Variants in AMER1 observed in about 807,000 individuals in gnomAD.
AMER1 encodes RP11-403E24.2.
A neutral mutation model predicts 53.0 loss-of-function variants in AMER1; 16 were observed. That is an observed-to-expected ratio of 0.30 (90% CI 0.20 to 0.46). The LOEUF (loss-of-function observed/expected upper bound fraction) is 0.46, where lower values mean the gene tolerates loss of function less well. AMER1 is among the 20% of genes least tolerant of loss of function. AMER1 has a pLI of 1.00. For missense variants in AMER1, 947 were observed against 884.9 expected (o/e 1.07, Z -0.89); for synonymous variants, 354 against 331.9 (o/e 1.07, Z -0.73).
At chrX:64,205,359 C>G (rs1424382527) in intron 1 of AMER1, among the ~76,000 whole-genome samples, 1 of 107,698 alleles carries the variant, frequency 9.3e-6, no homozygotes, top group Non-Finnish European at 1.9e-5. Flanking sequence ...CCCCCTCCCC[C>G]CAGCCGTGGT....
intron 1 of AMER1, among the ~76,000 whole-genome samples, chrX:64,197,914 C>A (rs1017259278): frequency 1.8e-5 from 2 of 112,799 alleles, no homozygotes; most frequent in African/African-American, 6.4e-5. Flanking sequence ...AAATCAAGTG[C>A]ATTACATAGC....
chrX:64,193,319 G>A lies in AMER1; in HGVS notation c.-33C>T, dbSNP rs1930301049. 1.7e-6 allele frequency: 2 copies of A among 1,211,131 alleles called. No individual in the cohort carries two copies. Among genetic ancestry groups the A allele is most frequent in the Non-Finnish European group, 1.1e-6 (1 of 895,498 alleles). ...GGGACAACTGAGGTACGTCCAGCTG[G>A]AAATGCAGCCTCAGGCTTCCAGGCA... On this transcript the variant is annotated 5_prime_UTR_variant, in exon 2 of 2. Coordinates refer to ENST00000374869, the MANE Select transcript of AMER1 (RefSeq NM_152424.4).
chrX:64,190,228 A>G lies in AMER1; in HGVS notation c.3059T>C (p.Leu1020Pro). The change falls in exon 2 of 2, where the codon CTA becomes CCA. Residue 1020 changes from leucine (L) to proline (P), a missense_variant. Physicochemically the swap from Leu to Pro is moderately conservative, Grantham distance 98 (BLOSUM62 -3). Coordinates refer to ENST00000374869, the MANE Select transcript of AMER1 (RefSeq NM_152424.4). ...SRAPGESGPQ[L>P]ARPSHLHLPM... ...CAGGTGTAGGTGTGAGGGACGAGCT[A>G]GTTGAGGCCCAGATTCCCCAGGTGC... is the stretch of plus-strand genomic sequence containing the variant. 1 of 1,211,712 alleles carries G rather than the reference A, an allele frequency of 8.3e-7. No individual in the cohort carries two copies. The highest frequency in any genetic ancestry group is 1.8e-5 in the South Asian group (1 of 56,876).
rs2147082146 is a variant in AMER1, at chrX:64,186,410, AATAG to A, written c.*3465_*3468del. The A allele has an allele frequency of 2.5e-6, 2 of 797,856 alleles. No individual in the cohort carries two copies. The highest frequency in any genetic ancestry group is 3.1e-6 in the Non-Finnish European group (2 of 648,433). The allele number at this position is 797,856 out of a possible 1,213,427, so 65.8% of individuals were successfully genotyped here. A position where few individuals can be genotyped will look rare whatever the true frequency, so the allele number is the denominator to read the frequency against. On this transcript the variant is annotated 3_prime_UTR_variant, in exon 2 of 2. Coordinates refer to ENST00000374869, the MANE Select transcript of AMER1 (RefSeq NM_152424.4). ...GAATATAAAATGCAAACAATATAAA[AATAG>A]ATAATTGACTTTTGATATATATATA...
Position 64,192,164 on chromosome X carries a change from G to T in AMER1, c.1123C>A (p.Pro375Thr), listed in dbSNP as rs1170189358. The T allele has an allele frequency of 8.3e-7, 1 of 1,208,360 alleles. No homozygotes were observed. Among genetic ancestry groups the T allele is most frequent in the African/African-American group, 1.8e-5 (1 of 56,787 alleles). ...YQGGGEEMAL[P>T]DDDDEEEEEE... ...TCTTCCTCCTCGTCATCATCATCTG[G>T]CAAGGCCATCTCCTCCCCACCTCCT... The change falls in exon 2 of 2, where the codon CCA becomes ACA. Residue 375 changes from proline to threonine, a missense_variant. Transcript: ENST00000374869.
intron 1 of AMER1, among the ~76,000 whole-genome samples, chrX:64,202,590 G>A (rs1222962386): frequency 1.8e-5 from 2 of 111,318 alleles, no homozygotes; most frequent in Non-Finnish European, 3.8e-5. Context: ...GAGGCCTGGG[G>A]AACACTTCTC....
In AMER1 at chrX:64,190,176, C is replaced by T. The variant is rs2147084519; in HGVS notation, c.3111G>A (p.Gln1037=). The T allele has an allele frequency of 8.3e-7, 1 of 1,207,554 alleles. No individual in the cohort carries two copies. The highest frequency in any genetic ancestry group is 1.8e-5 in the South Asian group (1 of 56,063). The change falls in exon 2 of 2, where the codon CAG becomes CAA. Residue 1037 remains glutamine (Q), a synonymous_variant. Transcript: ENST00000374869. ...CCCTCATGCTCTGGGAGGCCTGTGGCTGGAGGTTATAGCAAGGGCCCATGG... is the reference window on the plus strand; with the variant it reads ...CCCTCATGCTCTGGGAGGCCTGTGGTTGGAGGTTATAGCAAGGGCCCATGG... ...HLPMGPCYNL[Q]PQASQSMRAR...
At position 64,191,827 on chromosome X, in the gene AMER1, A is replaced by T; in HGVS notation, c.1460T>A (p.Leu487Gln). Reference protein sequence around the residue: ...PGFEDDSGEALGLVRRDCLPR... With the variant: ...PGFEDDSGEAQGLVRRDCLPR... ...TAGACAATCCCTGCGGACAAGCCCC[A>T]GGGCCTCACCTGAATCATCCTCAAA... Residue 487 changes from leucine to glutamine, a missense_variant, in exon 2 of 2, where the codon CTG (leucine) becomes CAG (glutamine). Leu to Gln is a moderately radical substitution (Grantham distance 113). Coordinates refer to ENST00000374869, the MANE Select transcript of AMER1 (RefSeq NM_152424.4). 1.7e-6 allele frequency: 2 copies of T among 1,211,721 alleles called. No individual in the cohort carries two copies. Among genetic ancestry groups the T allele is most frequent in the Non-Finnish European group, 2.2e-6 (2 of 895,476 alleles).
chrX:64,204,882 C>G (rs1208179684), intron 1 of AMER1, among the ~76,000 whole-genome samples: 2 of 113,304 alleles, frequency 1.8e-5, no homozygotes, highest in African/African-American at 6.4e-5. Context: ...CAGATGCGCC[C>G]GGAGGCCCAG....
rs762257768 is a variant in AMER1, at chrX:64,186,146, G to A, written c.*3733C>T. The A allele has an allele frequency of 1.2e-5, 14 of 1,208,465 alleles. No individual in the cohort carries two copies. Among genetic ancestry groups the A allele is most frequent in the Non-Finnish European group, 1.6e-5 (14 of 894,413 alleles). ...CAGGTCCCACACGCCTGAGTCACTT[G>A]GCGTTTGTCTTCAGTACCTGGGCAT... On this transcript the variant is annotated 3_prime_UTR_variant, in exon 2 of 2. Transcript: ENST00000374869.
rs1930220781 is a variant in AMER1, at chrX:64,190,487, C to G, written c.2800G>C (p.Glu934Gln). The G allele has an allele frequency of 8.3e-7, 1 of 1,211,936 alleles. No homozygotes were observed. Among genetic ancestry groups the G allele is most frequent in the Non-Finnish European group, 1.1e-6 (1 of 895,570 alleles). ...CGGCTCCATTCTCCTTCTTCCTCCT[C>G]TTCGTCCTCCTCATCTGAATCTTCC... ...QQEDSDEEDEEEEEGEWSRDS... is the reference protein window; with the variant it reads ...QQEDSDEEDEQEEEGEWSRDS... Residue 934 changes from glutamate to glutamine, a missense_variant, in exon 2 of 2, where the codon GAG becomes CAG. Transcript: ENST00000374869.
intron 1 of AMER1, among the ~76,000 whole-genome samples, chrX:64,198,439 C>T (rs1239889373): frequency 1.8e-5 from 2 of 111,640 alleles, no homozygotes; most frequent in African/African-American, 6.5e-5. Context: ...TGTGCCTAGA[C>T]TTGGGAAAAG....
Position 64,187,654 on chromosome X carries a change from G to A in AMER1, c.*2225C>T. 3 of 775,710 alleles carry A rather than the reference G, an allele frequency of 3.9e-6. No individual in the cohort carries two copies. The highest frequency in any genetic ancestry group is 4.6e-6 in the Non-Finnish European group (3 of 651,529). 63.9% of individuals were successfully genotyped at this position (775,710 alleles called of 1,213,427 possible). The stretch of plus-strand genomic sequence containing the variant: ...AGTCCACATGTAGACAGGAGCTCAA[G>A]CTGCCCTGAAAGAAGAGGCAAGAGG... On this transcript the variant is annotated 3_prime_UTR_variant, in exon 2 of 2. Coordinates refer to ENST00000374869, the MANE Select transcript of AMER1 (RefSeq NM_152424.4).
chrX:64,188,022 G>T lies in AMER1; in HGVS notation c.*1857C>A. Reference sequence around the variant, plus strand: ...TACCAGCCAGGTCTGCTATTTGTGAGTAAGGGCACTGGGCCAACCCCAATC... The same window carrying T: ...TACCAGCCAGGTCTGCTATTTGTGATTAAGGGCACTGGGCCAACCCCAATC... On this transcript the variant is annotated 3_prime_UTR_variant, in exon 2 of 2. Transcript: ENST00000374869. The T allele has an allele frequency of 1.3e-6, 1 of 782,106 alleles. No individual in the cohort carries two copies. 64.5% of individuals were successfully genotyped at this position (782,106 alleles called of 1,213,427 possible).
intron 1 of AMER1, among the ~76,000 whole-genome samples, chrX:64,194,137 G>A (rs1166465104): frequency 8.9e-6 from 1 of 111,957 alleles, no homozygotes; most frequent in Non-Finnish European, 1.9e-5. Context: ...TCAGAGAGGT[G>A]ATATGAGGGT....
chrX:64,193,344 A>G lies in AMER1; in HGVS notation c.-58T>C. On this transcript the variant is annotated 5_prime_UTR_variant, in exon 2 of 2. Transcript: ENST00000374869. ...GAAATGCAGCCTCAGGCTTCCAGGC[A>G]CTGTTATAACATTATCAGTCAGGAA... 8.3e-7 allele frequency: 1 copy of G among 1,207,633 alleles called. No homozygotes were observed. Among genetic ancestry groups the G allele is most frequent in the Non-Finnish European group, 1.1e-6 (1 of 893,346 alleles).
At position 64,186,139 on chromosome X, in the gene AMER1, G is replaced by C. The variant is rs776492460; in HGVS notation, c.*3740C>G. 1.6e-5 allele frequency: 19 copies of C among 1,208,350 alleles called. No homozygotes were observed. The highest frequency in any genetic ancestry group is 1.7e-5 in the Non-Finnish European group (15 of 894,217). ...TGTCTACCAGGTCCCACACGCCTGA[G>C]TCACTTGGCGTTTGTCTTCAGTACC... On this transcript the variant is annotated 3_prime_UTR_variant, in exon 2 of 2. Transcript: ENST00000374869.
intron 1 of AMER1, among the ~76,000 whole-genome samples, chrX:64,204,903 G>A (rs1930566148): frequency 8.8e-6 from 1 of 113,356 alleles, no homozygotes; most frequent in Non-Finnish European, 1.9e-5. Flanking sequence ...GAGGAGGGGC[G>A]CGGCTAGTTG....
Position 64,192,526 on chromosome X carries a change from G to A in AMER1, c.761C>T (p.Ala254Val). 1 of 1,206,465 alleles carries A rather than the reference G, an allele frequency of 8.3e-7. No individual in the cohort carries two copies. Among genetic ancestry groups the A allele is most frequent in the Non-Finnish European group, 1.1e-6 (1 of 893,782 alleles). The part of the protein sequence containing the change: ...EPSPPATEKM[A>V]CKDPEKPMEA... The stretch of plus-strand genomic sequence containing the variant: ...CATGGGTTTTTCTGGATCTTTACAG[G>A]CCATTTTCTCAGTAGCTGGTGGAGA... Residue 254 changes from alanine to valine, a missense_variant, in exon 2 of 2, where the codon GCC becomes GTC. Ala to Val is a moderately conservative substitution (Grantham distance 64). Coordinates refer to ENST00000374869, the MANE Select transcript of AMER1 (RefSeq NM_152424.4).
Sources: gnomAD v4.1 joint callset for allele counts (sites outside exome capture counted in the v4.1 genomes callset) on GRCh38, gnomAD v4.1.1 for gene constraint, MANE v1.5 for transcripts, NCBI Gene and HGNC (gene_info 2026-07-23, HGNC 2026-07-21) for gene names.